Variants in RGS7BP observed in about 807,000 individuals in gnomAD.
RGS7BP encodes the protein regulator of G protein signaling 7 binding protein, also known as regulator of G protein signaling 7-binding protein.
RGS7BP carries 9 observed loss-of-function variants against 31.3 expected under a neutral mutation model. The observed-to-expected ratio is 0.29, with a 90% CI of 0.17 to 0.50. The LOEUF is 0.50. Ranked by LOEUF, RGS7BP falls within the 20% of genes least tolerant of loss-of-function variation. The probability of loss-of-function intolerance (pLI) is 0.98; values close to 1 mark genes in which losing one functional copy is unlikely to be tolerated. For missense variants in RGS7BP, 274 were observed against 322.0 expected, an observed-to-expected ratio of 0.85 and a Z score of 1.14; for synonymous variants, 115 against 120.1, an observed-to-expected ratio of 0.96 and a Z score of 0.28.
chr5:64,510,920 T>A (rs272630), intron 2 of RGS7BP, among the ~76,000 whole-genome samples: 49,810 of 152,086 alleles, frequency 0.33, 8,471 homozygotes, highest in Admixed American at 0.39. Flanking sequence ...GGAATACAAG[T>A]GTGGGAAAGG....
At chr5:64,525,088 TAC>T (rs1427072072) in intron 2 of RGS7BP, among the ~76,000 whole-genome samples, 1 of 152,080 alleles carries the variant, frequency 6.6e-6, no homozygotes, top group Non-Finnish European at 1.5e-5. Context: ...GTGGTAAACA[TAC>T]CACTCAACCC....
Position 64,581,942 on chromosome 5 carries a change from A to C in RGS7BP, c.463+6038A>C, listed in dbSNP as rs114924249. Among the ~76,000 whole-genome samples, 513 of 152,348 alleles carry C rather than the reference A, an allele frequency of 3.4e-3. 5 individuals are homozygous for C. The highest frequency in any genetic ancestry group is 0.012 in the African/African-American group (497 of 41,586). ...TACAGTAACGTGAGGTAAAATCTACATATAATAAGGGCTACTGAGTTATAT... is the reference window on the plus strand; with the variant it reads ...TACAGTAACGTGAGGTAAAATCTACCTATAATAAGGGCTACTGAGTTATAT... On this transcript the variant is annotated intron_variant, in intron 3 of 5. Transcript: ENST00000334025.
chr5:64,517,034 A>G (rs998583843), intron 2 of RGS7BP, among the ~76,000 whole-genome samples: 1 of 151,940 alleles, frequency 6.6e-6, no homozygotes. Flanking sequence ...AAAAAAAAAA[A>G]AGTCCTAGGT....
intron 2 of RGS7BP, among the ~76,000 whole-genome samples, chr5:64,518,763 T>C (rs968652881): frequency 6.6e-6 from 1 of 152,122 alleles, no homozygotes; most frequent in African/African-American, 2.4e-5. Flanking sequence ...ATGGCAAACA[T>C]TGGTTCATGA....
intron 2 of RGS7BP, among the ~76,000 whole-genome samples, chr5:64,541,604 A>G (rs1741527579): frequency 6.6e-6 from 1 of 152,238 alleles, no homozygotes; most frequent in Non-Finnish European, 1.5e-5. Flanking sequence ...AGTGTGGCCA[A>G]TGTAATACAC....
intron 5 of RGS7BP, among the ~76,000 whole-genome samples, chr5:64,604,091 A>G (rs747527789): frequency 6.6e-6 from 1 of 152,140 alleles, no homozygotes; most frequent in Non-Finnish European, 1.5e-5. Flanking sequence ...GTTTTGGACT[A>G]TCTCCTCCTT....
At chr5:64,550,473 A>T (rs1741765683) in intron 2 of RGS7BP, among the ~76,000 whole-genome samples, 1 of 150,286 alleles carries the variant, frequency 6.7e-6, no homozygotes, top group Non-Finnish European at 1.5e-5. Context: ...CCCATCTCCA[A>T]ATACCATCAT....
chr5:64,506,647 G>C lies in RGS7BP; in HGVS notation c.23G>C (p.Arg8Pro). The change falls in exon 1 of 6, where the codon CGC becomes CCC. Residue 8 changes from arginine to proline, a missense_variant. Coordinates refer to ENST00000334025, the MANE Select transcript of RGS7BP (RefSeq NM_001029875.3). This position sits in a 1 kb window ranked among gnomAD's most constrained non-coding sequence, Gnocchi z 4.6. The stretch of plus-strand genomic sequence containing the variant: ...TGCATGAGTTCTGCACCGAATGGGC[G>C]CAAAAAGCGCCCCAGCCGGTCCACC... MSSAPNG[R>P]KKRPSRSTRS... is the part of the protein sequence containing the mutation. The C allele has an allele frequency of 6.2e-7, 1 of 1,610,834 alleles. No individual in the cohort carries two copies. The highest frequency in any genetic ancestry group is 8.5e-7 in the Non-Finnish European group (1 of 1,178,126).
intron 2 of RGS7BP, among the ~76,000 whole-genome samples, chr5:64,538,037 T>A (rs1254830740): frequency 6.6e-6 from 1 of 152,224 alleles, no homozygotes; most frequent in African/African-American, 2.4e-5. Context: ...ACTTGTTTTC[T>A]TATGGATTTA....
chr5:64,513,649 C>A, intron 2 of RGS7BP, among the ~76,000 whole-genome samples: 1 of 152,188 alleles, frequency 6.6e-6, no homozygotes, highest in East Asian at 1.9e-4. Context: ...AAGCAGCTCT[C>A]AGCCTTCTTT....
rs182117825 is a variant in RGS7BP at position 64,555,458 on chromosome 5, G to T, written c.333-20316G>T. 1.9e-3 allele frequency among the ~76,000 whole-genome samples: 292 copies of T among 152,114 alleles called. 2 individuals are homozygous for T. Among genetic ancestry groups the T allele is most frequent in the Non-Finnish European group, 3.4e-3 (231 of 67,960 alleles). ...TAAAGTTTTTTTAACCTTCAAACAA[G>T]AAACTTTAAGTAAAAATGCAAAAAT... On this transcript the variant is annotated intron_variant, in intron 2 of 5. Coordinates refer to ENST00000334025, the MANE Select transcript of RGS7BP (RefSeq NM_001029875.3).
intron 2 of RGS7BP, among the ~76,000 whole-genome samples, chr5:64,526,757 G>C (rs1255834673): frequency 6.6e-6 from 1 of 152,010 alleles, no homozygotes; most frequent in Non-Finnish European, 1.5e-5. Flanking sequence ...TTCAACCCTG[G>C]GGTTCCTGGA....
intron 2 of RGS7BP, among the ~76,000 whole-genome samples, chr5:64,518,756 G>T (rs775921669): frequency 6.6e-6 from 1 of 152,088 alleles, no homozygotes; most frequent in Non-Finnish European, 1.5e-5. Context: ...GGTAGGGATG[G>T]CAAACATTGG....
intron 2 of RGS7BP, among the ~76,000 whole-genome samples, chr5:64,554,282 A>G (rs1007922683): frequency 1.3e-5 from 2 of 152,044 alleles, no homozygotes; most frequent in African/African-American, 4.8e-5. Flanking sequence ...GCACTATACA[A>G]CTGTTTCTCC....
intron 2 of RGS7BP, chr5:64,539,549 C>CT (rs1029300661): frequency 6.6e-6 from 1 of 152,130 alleles, no homozygotes; most frequent in Non-Finnish European, 1.5e-5. Flanking sequence ...ACCCAGGAGG[C>CT]TGAGGCAGAA....
intron 2 of RGS7BP, among the ~76,000 whole-genome samples, chr5:64,512,071 A>G (rs1748852301): frequency 6.6e-6 from 1 of 152,142 alleles, no homozygotes; most frequent in Admixed American, 6.5e-5. Context: ...AGGAGCCAAC[A>G]TCCTCCAGCA....
intron 2 of RGS7BP, among the ~76,000 whole-genome samples, chr5:64,552,498 T>C (rs1015986855): frequency 3.3e-5 from 5 of 152,216 alleles, no homozygotes; most frequent in Admixed American, 6.5e-5. Context: ...TTTGTACTAA[T>C]TTCTCAACAA....
chr5:64,511,679 A>G (rs1380514190), intron 2 of RGS7BP, among the ~76,000 whole-genome samples: 1 of 152,138 alleles, frequency 6.6e-6, no homozygotes, highest in Middle Eastern at 3.2e-3. Flanking sequence ...GGCACTTTAT[A>G]TTTGAGGAGT....
At chr5:64,568,325 G>A (rs1367635284) in intron 2 of RGS7BP, among the ~76,000 whole-genome samples, 1 of 151,988 alleles carries the variant, frequency 6.6e-6, no homozygotes, top group African/African-American at 2.4e-5. Context: ...AGAGCTGTTT[G>A]CCCAACCGGA....
Sources: allele counts gnomAD v4.1 joint callset (sites outside exome capture counted in the v4.1 genomes callset), GRCh38; gene constraint gnomAD v4.1.1; non-coding constraint Gnocchi (gnomAD v3.1); transcripts MANE v1.5; gene names NCBI Gene and HGNC (gene_info 2026-07-23, HGNC 2026-07-21).